MICAL3: variants seen among roughly 807,000 people sequenced by gnomAD.
The protein encoded by MICAL3 is [F-actin]-monooxygenase MICAL3.
In MICAL3, 62 loss-of-function variants were observed where a neutral mutation model predicts 207.4. The ratio of observed to expected loss-of-function variants is 0.30; its 90% CI spans 0.24 to 0.37. The LOEUF (loss-of-function observed/expected upper bound fraction) is 0.37. Among genes scored for constraint, MICAL3 ranks in the 10% least tolerant of loss-of-function variants. The probability of loss-of-function intolerance (pLI) is 1.00; values close to 1 mark genes in which losing one functional copy is unlikely to be tolerated. For synonymous variants in MICAL3, 1,077 were observed against 1,069.3 expected (o/e 1.01, Z -0.14); for missense variants, 2,368 against 2,635.6 (o/e 0.90, Z 2.22).
At chr22:17,980,222 C>A (rs551663089) in intron 1 of MICAL3, among the ~76,000 whole-genome samples, 1 of 152,182 alleles carries the variant, frequency 6.6e-6, no homozygotes, top group Admixed American at 6.5e-5. Context: ...GGCTAGAGGC[C>A]GAATTAGCAT....
At chr22:17,909,813 G>T (rs2146274712) in intron 1 of MICAL3, among the ~76,000 whole-genome samples, 1 of 152,346 alleles carries the variant, frequency 6.6e-6, no homozygotes, top group East Asian at 1.9e-4. Flanking sequence ...AGGAGAAATG[G>T]TGACAGCTGA....
intron 9 of MICAL3, 78 bp from the exon 10 acceptor site, chr22:17,895,488 C>A (rs936064138): frequency 6.5e-7 from 1 of 1,537,366 alleles, no homozygotes; most frequent in Admixed American, 1.8e-5. Flanking sequence ...ATTGTTCTGA[C>A]AGCGCAGCAA....
chr22:17,887,451 A>G lies in MICAL3; in HGVS notation c.1892-16T>C. On this transcript the variant is annotated splice_polypyrimidine_tract_variant and intron_variant, in intron 13 of 31. Transcript: ENST00000441493. ...TCCAAGGTGTCTGGGAATAGAAACC[A>G]GTGATGTTCAAGCACAGCCCTTGAG... The G allele has an allele frequency of 1.3e-6, 2 of 1,582,166 alleles. No individual in the cohort carries two copies. Among genetic ancestry groups the G allele is most frequent in the Middle Eastern group, 3.7e-4 (2 of 5,336 alleles).
intron 29 of MICAL3, among the ~76,000 whole-genome samples, chr22:17,804,679 T>C (rs951048922): frequency 6.6e-6 from 1 of 151,958 alleles, no homozygotes; most frequent in Non-Finnish European, 1.5e-5. Flanking sequence ...GCGGTCCTCA[T>C]CTCCCCAGAA....
At chr22:17,922,276 C>A (rs1021186794) in intron 1 of MICAL3, among the ~76,000 whole-genome samples, 1 of 152,090 alleles carries the variant, frequency 6.6e-6, no homozygotes, top group African/African-American at 2.4e-5. Flanking sequence ...AGTACAGATG[C>A]GGGCAGATGC....
chr22:17,906,684 T>G lies in MICAL3; in HGVS notation c.129A>C (p.Pro43=). Residue 43 remains proline (P), a synonymous_variant, in exon 2 of 32, where the codon CCA becomes CCC. Transcript: ENST00000441493. ...TGTGATAGAAGGAGCGGTAGTCCTT[T>G]GGCTTTAGTTCCAGGTGGTCACAGA... ...QELCDHLELK[P]KDYRSFYHKL... 6.2e-7 allele frequency: 1 copy of G among 1,614,050 alleles called. No homozygotes were observed. Among genetic ancestry groups the G allele is most frequent in the South Asian group, 1.1e-5 (1 of 91,086 alleles).
At chr22:17,995,575 C>T (rs1019975308) in intron 1 of MICAL3, among the ~76,000 whole-genome samples, 5 of 146,582 alleles carry the variant, frequency 3.4e-5, no homozygotes, top group South Asian at 2.2e-4. Context: ...GTGCGATCTC[C>T]GCTCACTGCA....
Position 17,887,381 on chromosome 22 carries a change from G to C in MICAL3, c.1946C>G (p.Ser649Cys). Residue 649 changes from serine to cysteine, a missense_variant, in exon 14 of 32, where the codon TCC (serine) becomes TGC (cysteine). Around this residue, in one of 4 missense-constraint regions of MICAL3, gnomAD observed 1,770 missense variants for 1,863.2 expected, o/e 0.95. Transcript: ENST00000441493. Reference protein sequence around the residue: ...EKAVLIASTRSPISFLSKLGQ... With the variant: ...EKAVLIASTRCPISFLSKLGQ... ...AAGTTTGCTTAGGAAGGAGATAGGG[G>C]ATCTGGTGCTGGCTATCAGGACTGC... is the stretch of plus-strand genomic sequence containing the variant. 1 of 1,614,026 alleles carries C rather than the reference G, an allele frequency of 6.2e-7. No homozygotes were observed. The highest frequency in any genetic ancestry group is 8.5e-7 in the Non-Finnish European group (1 of 1,179,882).
intron 1 of MICAL3, among the ~76,000 whole-genome samples, chr22:17,970,437 G>T (rs1303283204): frequency 6.6e-6 from 1 of 152,218 alleles, no homozygotes; most frequent in East Asian, 1.9e-4. Context: ...AGGGCCCACT[G>T]GTTGGAGGCC....
Position 17,893,904 on chromosome 22 carries a change from C to T in MICAL3, c.1450G>A (p.Val484Met). Residue 484 changes from valine to methionine, a missense_variant and splice_region_variant, in exon 11 of 32, where the codon GTG becomes ATG. Physicochemically the swap from Val to Met is conservative, Grantham distance 21. Transcript: ENST00000441493. ...TCGCCAGTATCATATAAATGGCGCA[C>T]CTGGCAGAAATTTACAAAGTCAAAC... ...INVNFLRPSQ[V>M]RHLYDTGETK... 8 of 1,550,482 alleles carry T rather than the reference C, an allele frequency of 5.2e-6. No individual in the cohort carries two copies. Among genetic ancestry groups the T allele is most frequent in the Non-Finnish European group, 7.0e-6 (8 of 1,144,770 alleles).
At chr22:17,806,025 C>A (rs756226126) in intron 29 of MICAL3, among the ~76,000 whole-genome samples, 2 of 152,144 alleles carry the variant, frequency 1.3e-5, no homozygotes, top group East Asian at 1.9e-4. Flanking sequence ...CCACCGCGCC[C>A]GGCCCAAATG....
At chr22:18,017,095 C>T (rs894615585) in intron 1 of MICAL3, among the ~76,000 whole-genome samples, 8 of 152,188 alleles carry the variant, frequency 5.3e-5, no homozygotes, top group African/African-American at 1.9e-4. Flanking sequence ...GGAAAAAAGC[C>T]GTATAGAACC....
intron 19 of MICAL3, among the ~76,000 whole-genome samples, chr22:17,848,903 C>T (rs944159888): frequency 9.8e-5 from 15 of 152,324 alleles, no homozygotes; most frequent in African/African-American, 3.4e-4. Context: ...ATTTTTATAC[C>T]GTTGACAGCT....
At chr22:17,799,253 A>C (rs567330576) in intron 29 of MICAL3, among the ~76,000 whole-genome samples, 27 of 152,158 alleles carry the variant, frequency 1.8e-4, no homozygotes, top group African/African-American at 6.5e-4. Context: ...GTGGTGGCGC[A>C]CGCCTGTAGT....
Position 17,792,664 on chromosome 22 carries a change from G to A in MICAL3, c.5651-1363C>T, listed in dbSNP as rs908823424. On this transcript the variant is annotated intron_variant, in intron 29 of 31. Coordinates refer to ENST00000441493, the MANE Select transcript of MICAL3 (RefSeq NM_015241.3). ...TCTACCCAGTGGCCACACCAAGGAG[G>A]CAGAAATGCACCATGTTCAACAAGC... Among the ~76,000 whole-genome samples, 6 of 152,334 alleles carry A rather than the reference G, an allele frequency of 3.9e-5. No homozygotes were observed. The East Asian group carries it at 1.2e-3, about 29-fold the overall frequency.
chr22:17,940,313 G>A (rs1933748639), intron 1 of MICAL3, among the ~76,000 whole-genome samples: 1 of 152,232 alleles, frequency 6.6e-6, no homozygotes, highest in Non-Finnish European at 1.5e-5. Flanking sequence ...GCTGAGGTGG[G>A]AGGATTGCTT....
chr22:17,866,043 G>A (rs777095988), intron 17 of MICAL3, 31 bp from the exon 18 acceptor site: 6 of 1,534,966 alleles, frequency 3.9e-6, no homozygotes, highest in Middle Eastern at 1.7e-4. Context: ...GGACAGAGGC[G>A]ATGAGCCAGG....
At position 17,866,005 on chromosome 22, in the gene MICAL3, G is replaced by T; in HGVS notation, c.2436C>A (p.Phe812Leu). Reference sequence around the variant, plus strand: ...GATAGCAGTAGTGTGGCTTACAGTAGAATTTACCTGCAGACAGCAAGAGGC... The same window carrying T: ...GATAGCAGTAGTGTGGCTTACAGTATAATTTACCTGCAGACAGCAAGAGGC... Reference protein sequence around the residue: ...AYAYDIEDGKFYCKPHYCYRL... With the variant: ...AYAYDIEDGKLYCKPHYCYRL... Residue 812 changes from phenylalanine to leucine, a missense_variant, in exon 18 of 32, where the codon TTC (phenylalanine) becomes TTA (leucine). Phe to Leu is a conservative substitution (Grantham distance 22). Around this residue, in one of 4 missense-constraint regions of MICAL3, gnomAD observed 1,770 missense variants for 1,863.2 expected, o/e 0.95. Transcript: ENST00000441493. 6.2e-7 allele frequency: 1 copy of T among 1,613,056 alleles called. No homozygotes were observed. Among genetic ancestry groups the T allele is most frequent in the South Asian group, 1.1e-5 (1 of 91,076 alleles).
At position 17,818,974 on chromosome 22, in the gene MICAL3, G is replaced by C; in HGVS notation, c.3687C>G (p.Thr1229=). 6.2e-7 allele frequency: 1 copy of C among 1,608,050 alleles called. No homozygotes were observed. Among genetic ancestry groups the C allele is most frequent in the East Asian group, 2.2e-5 (1 of 44,830 alleles). The change falls in exon 26 of 32, where the codon ACC becomes ACG. Residue 1229 remains threonine (T), a synonymous_variant. Transcript: ENST00000441493. ...AGACAGGAGTCCTAGCTTCTGGCAG[G>C]GTCACTGGCTGTGATCGGATGGGAG... ...VHSPIRSQPV[T]LPEARTPVSP...
Sources: allele counts gnomAD v4.1 joint callset (sites outside exome capture counted in the v4.1 genomes callset), GRCh38; gene constraint gnomAD v4.1.1; regional missense constraint gnomAD v4.1.1; transcripts MANE v1.5; gene names NCBI Gene and HGNC (gene_info 2026-07-23, HGNC 2026-07-21).